Variants in ANKS1B observed in about 807,000 individuals in gnomAD.
ANKS1B encodes the protein ankyrin repeat and sterile alpha motif domain-containing protein 1B.
Under a neutral mutation model 148.3 loss-of-function variants are expected in ANKS1B, and 36 were observed. The observed-to-expected ratio is 0.24, with a 90% confidence interval of 0.19 to 0.32. The LOEUF (loss-of-function observed/expected upper bound fraction) is 0.32, where lower values mean the gene tolerates loss of function less well. ANKS1B is among the 10% of genes least tolerant of loss of function. The probability of loss-of-function intolerance (pLI) is 1.00; values close to 1 mark genes in which losing one functional copy is unlikely to be tolerated. For missense variants in ANKS1B, 1,157 were observed against 1,542.6 expected (o/e 0.75, Z 4.19); for synonymous variants, 542 against 560.8 (o/e 0.97, Z 0.47).
At chr12:99,720,578 T>G (rs75574468) in intron 8 of ANKS1B, among the ~76,000 whole-genome samples, 1 of 152,136 alleles carries the variant, frequency 6.6e-6, no homozygotes, top group Non-Finnish European at 1.5e-5. Flanking sequence ...ACCTCACCAA[T>G]CTCAGCCACC....
chr12:99,090,532 T>C (rs1468678929), intron 15 of ANKS1B, among the ~76,000 whole-genome samples: 2 of 152,180 alleles, frequency 1.3e-5, no homozygotes, highest in East Asian at 3.8e-4. Flanking sequence ...TTATGTGACC[T>C]TAAATATTTA....
intron 9 of ANKS1B, among the ~76,000 whole-genome samples, chr12:99,572,753 A>G (rs953733686): frequency 3.3e-5 from 5 of 152,108 alleles, no homozygotes; most frequent in Non-Finnish European, 7.4e-5. Context: ...ATAGAGATAA[A>G]TAATTATTTT....
At chr12:99,608,343 T>C (rs1223220711) in intron 9 of ANKS1B, among the ~76,000 whole-genome samples, 1 of 152,054 alleles carries the variant, frequency 6.6e-6, no homozygotes, top group African/African-American at 2.4e-5. Context: ...TAGCCAATGA[T>C]TTTCCCATTC....
At chr12:99,034,969 G>A (rs1568471413) in intron 17 of ANKS1B, among the ~76,000 whole-genome samples, 1 of 152,190 alleles carries the variant, frequency 6.6e-6, no homozygotes, top group Non-Finnish European at 1.5e-5. Flanking sequence ...TTTGGGCGAT[G>A]AGGAAGGCCT....
At chr12:99,444,521 A>AT (rs549947841) in intron 10 of ANKS1B, among the ~76,000 whole-genome samples, 5 of 151,890 alleles carry the variant, frequency 3.3e-5, no homozygotes, top group Non-Finnish European at 7.4e-5. Flanking sequence ...CATGTGTAAC[A>AT]TTTTTTTCTT....
At chr12:99,452,532 C>G (rs1194624229) in intron 10 of ANKS1B, among the ~76,000 whole-genome samples, 14 of 151,978 alleles carry the variant, frequency 9.2e-5, no homozygotes, top group Admixed American at 7.9e-4. Context: ...TAAATAAGAC[C>G]AATGAAATCT....
chr12:99,897,866 A>C (rs1356723405), intron 1 of ANKS1B, among the ~76,000 whole-genome samples: 1 of 150,518 alleles, frequency 6.6e-6, no homozygotes, highest in South Asian at 2.1e-4. Flanking sequence ...AAAAAAAAAA[A>C]AAACCCTGAA....
intron 10 of ANKS1B, among the ~76,000 whole-genome samples, chr12:99,457,934 A>G (rs1038252251): frequency 6.6e-6 from 1 of 152,034 alleles, no homozygotes; most frequent in Non-Finnish European, 1.5e-5. Context: ...TACAGAACAG[A>G]TATTTACAGA....
chr12:98,967,882 G>A (rs1365195658), intron 17 of ANKS1B, among the ~76,000 whole-genome samples: 1 of 152,050 alleles, frequency 6.6e-6, no homozygotes. Flanking sequence ...CTGACCCGGG[G>A]AGTACTGATT....
At chr12:99,522,173 G>A (rs1252636060) in intron 9 of ANKS1B, among the ~76,000 whole-genome samples, 1 of 152,062 alleles carries the variant, frequency 6.6e-6, no homozygotes, top group African/African-American at 2.4e-5. Context: ...TTTTGTACTT[G>A]AATTTTTACA....
chr12:99,199,369 G>A (rs2081782002), intron 14 of ANKS1B, among the ~76,000 whole-genome samples: 1 of 152,166 alleles, frequency 6.6e-6, no homozygotes, highest in Admixed American at 6.5e-5. Context: ...GTTAGCCGTG[G>A]TTTTTTAAAA....
intron 1 of ANKS1B, among the ~76,000 whole-genome samples, chr12:99,871,583 C>A (rs781207775): frequency 6.6e-6 from 1 of 152,086 alleles, no homozygotes; most frequent in Non-Finnish European, 1.5e-5. Context: ...TCTATAATTT[C>A]TTTCAGCAGT....
intron 1 of ANKS1B, among the ~76,000 whole-genome samples, chr12:99,846,879 T>C (rs1044272851): frequency 1.3e-5 from 2 of 152,148 alleles, no homozygotes; most frequent in Admixed American, 6.6e-5. Context: ...ATGCAGTCTT[T>C]GTGTAGACAG....
At chr12:99,869,649 C>T (rs910595478) in intron 1 of ANKS1B, among the ~76,000 whole-genome samples, 1 of 151,188 alleles carries the variant, frequency 6.6e-6, no homozygotes, top group African/African-American at 2.4e-5. Context: ...CCATTGCACT[C>T]CAGCCTGGGC....
intron 17 of ANKS1B, among the ~76,000 whole-genome samples, chr12:98,915,995 G>A (rs934630032): frequency 6.6e-6 from 1 of 152,090 alleles, no homozygotes; most frequent in African/African-American, 2.4e-5. Context: ...CATCTCCTAG[G>A]TCTTGCCTAT....
chr12:99,260,218 A>T (rs1477182634), intron 12 of ANKS1B, among the ~76,000 whole-genome samples: 1 of 152,240 alleles, frequency 6.6e-6, no homozygotes, highest in Non-Finnish European at 1.5e-5. Context: ...AAAACAAAAA[A>T]AGATCTACGA....
At chr12:99,263,770 T>A (rs990943042) in intron 12 of ANKS1B, among the ~76,000 whole-genome samples, 4 of 152,164 alleles carry the variant, frequency 2.6e-5, no homozygotes, top group Non-Finnish European at 5.9e-5. Context: ...CCTGCCGCCA[T>A]GAAAGACATG....
intron 1 of ANKS1B, among the ~76,000 whole-genome samples, chr12:99,892,653 G>C (rs1565941412): frequency 6.6e-6 from 1 of 152,170 alleles, no homozygotes. Context: ...AGGAATAACT[G>C]AAAGTAGATT....
chr12:99,891,027 T>C (rs1053590379), intron 1 of ANKS1B, among the ~76,000 whole-genome samples: 1 of 152,220 alleles, frequency 6.6e-6, no homozygotes, highest in Middle Eastern at 3.2e-3. Flanking sequence ...TACACTTAAG[T>C]GGAATCACAC....
Sources: gnomAD v4.1 joint callset for allele counts (sites outside exome capture counted in the v4.1 genomes callset) on GRCh38, gnomAD v4.1.1 for gene constraint, MANE v1.5 for transcripts, NCBI Gene and HGNC (gene_info 2026-07-23, HGNC 2026-07-21) for gene names.